LPIN2: variants seen among roughly 807,000 people sequenced by gnomAD.
The protein encoded by LPIN2 is phosphatidate phosphatase LPIN2.
LPIN2 carries 55 observed loss-of-function variants against 111.4 expected under a neutral mutation model. The observed-to-expected ratio is 0.49, with a 90% confidence interval of 0.40 to 0.62. The LOEUF is 0.62. LPIN2 is among the 20% of genes least tolerant of loss of function. LPIN2 has a pLI of 0.00. For missense variants in LPIN2, 992 were observed against 1,112.1 expected (o/e 0.89, Z 1.54); for synonymous variants, 425 against 414.0 (o/e 1.03, Z -0.32).
At chr18:2,932,014 G>T (rs2077218827) in intron 8 of LPIN2, among the ~76,000 whole-genome samples, 1 of 152,180 alleles carries the variant, frequency 6.6e-6, no homozygotes, top group South Asian at 2.1e-4. Flanking sequence ...AAAAAGAAAT[G>T]TATTCAGAAA....
intron 1 of LPIN2, among the ~76,000 whole-genome samples, chr18:2,964,602 G>C (rs993912226): frequency 6.8e-6 from 1 of 147,126 alleles, no homozygotes; most frequent in African/African-American, 2.5e-5. Context: ...TGATCTGTGA[G>C]AATGGTAAGA....
At chr18:2,962,833 T>C (rs1175626219) in intron 1 of LPIN2, among the ~76,000 whole-genome samples, 2 of 152,038 alleles carry the variant, frequency 1.3e-5, no homozygotes, top group Non-Finnish European at 2.9e-5. Flanking sequence ...AAAAAAAACA[T>C]GTTAGACCTT....
intron 1 of LPIN2, chr18:2,982,602 T>C (rs979820010): frequency 1.6e-6 from 1 of 623,268 alleles, no homozygotes; most frequent in African/African-American, 1.9e-5. Context: ...CATCCCCTTG[T>C]CTCTCAGTAG....
chr18:2,927,636 T>A (rs1335490737), intron 12 of LPIN2, 86 bp downstream of exon 12: 2 of 1,452,788 alleles, frequency 1.4e-6, no homozygotes, highest in African/African-American at 1.4e-5. Flanking sequence ...CAGTCCAAAT[T>A]CCTGTGCCTG....
chr18:2,945,250 A>G (rs531773337), intron 4 of LPIN2, among the ~76,000 whole-genome samples: 31 of 152,356 alleles, frequency 2.0e-4, no homozygotes, highest in African/African-American at 7.5e-4. Context: ...TTAACAGAGA[A>G]ATACAAAGAA....
chr18:2,923,222 A>T (rs1698571597), intron 16 of LPIN2, among the ~76,000 whole-genome samples: 1 of 152,124 alleles, frequency 6.6e-6, no homozygotes, highest in Non-Finnish European at 1.5e-5. Context: ...GGAGTTCAAG[A>T]CCAGCCTGAC....
rs973439862 is a variant in LPIN2, at chr18:2,917,844, G to GACTT, written c.*2445_*2448dup. ...CCAATGGAGTAACTGAGAGAATAAT[G>GACTT]ACTTAGAGCCCAATCTGCCTGCCAT... is the stretch of plus-strand genomic sequence containing the variant. On this transcript the variant is annotated 3_prime_UTR_variant, in exon 20 of 20. Transcript: ENST00000677752. 11 of 152,262 alleles carry GACTT rather than the reference G, an allele frequency of 7.2e-5. No homozygotes were observed. Among genetic ancestry groups the GACTT allele is most frequent in the African/African-American group, 2.4e-4 (10 of 41,548 alleles). The allele number at this position is 152,262 out of a possible 1,614,324, so 9.4% of individuals were successfully genotyped here.
At position 2,923,795 on chromosome 18, in the gene LPIN2, C is replaced by A. The variant is rs1372076816; in HGVS notation, c.2154G>T (p.Lys718Asn). 2 of 1,614,148 alleles carry A rather than the reference C, an allele frequency of 1.2e-6. No individual in the cohort carries two copies. Among genetic ancestry groups the A allele is most frequent in the Non-Finnish European group, 8.5e-7 (1 of 1,180,010 alleles). The change falls in exon 16 of 20, where the codon AAG becomes AAT. Residue 718 changes from lysine to asparagine, a missense_variant. By Grantham distance (94) the Lys-to-Asn change is moderately conservative (BLOSUM62 0). Transcript: ENST00000677752. Reference protein sequence around the residue: ...GKDWTHQGIAKLYHSINENGY... With the variant: ...GKDWTHQGIANLYHSINENGY... ...CCTACTCATTGATGGAATGGTAGAGCTTTGCTATACCCTGGTGGGTCCAGT... is the reference window on the plus strand; with the variant it reads ...CCTACTCATTGATGGAATGGTAGAGATTTGCTATACCCTGGTGGGTCCAGT...
intron 4 of LPIN2, among the ~76,000 whole-genome samples, chr18:2,945,082 A>C (rs2077430093): frequency 1.3e-5 from 2 of 152,328 alleles, no homozygotes; most frequent in Non-Finnish European, 1.5e-5. Context: ...GCAGAGCTTC[A>C]TCTCTTCCTT....
At chr18:2,963,221 C>T (rs994919383) in intron 1 of LPIN2, among the ~76,000 whole-genome samples, 6 of 152,104 alleles carry the variant, frequency 3.9e-5, no homozygotes, top group African/African-American at 1.5e-4. Flanking sequence ...AAGGGTCACC[C>T]CAACAGAGCT....
chr18:2,958,154 A>AAAAAAAAAAAAAAAAAAAAG (rs2077645506), intron 2 of LPIN2, among the ~76,000 whole-genome samples: 1 of 108,656 alleles, frequency 9.2e-6, no homozygotes. Flanking sequence ...AAAAAAAAAA[A>AAAAAAAAAAAAAAAAAAAAG]AAACAACAAA....
At position 2,951,372 on chromosome 18, in the gene LPIN2, G is replaced by C; in HGVS notation, c.289-16C>G. On this transcript the variant is annotated splice_polypyrimidine_tract_variant and intron_variant, in intron 3 of 19. Coordinates refer to ENST00000677752, the MANE Select transcript of LPIN2 (RefSeq NM_001375808.2). ...GAAGCTTTTCCTTGAGGAGAATGGAGAAAGAAAAGTTATCCATGACAAACT... is the reference window on the plus strand; with the variant it reads ...GAAGCTTTTCCTTGAGGAGAATGGACAAAGAAAAGTTATCCATGACAAACT... 1 of 1,607,968 alleles carries C rather than the reference G, an allele frequency of 6.2e-7. No individual in the cohort carries two copies. Among genetic ancestry groups the C allele is most frequent in the South Asian group, 1.1e-5 (1 of 90,916 alleles).
chr18:2,980,460 C>G (rs2078091806), intron 1 of LPIN2, among the ~76,000 whole-genome samples: 1 of 152,182 alleles, frequency 6.6e-6, no homozygotes, highest in African/African-American at 2.4e-5. Flanking sequence ...AACCTCAGCC[C>G]CACCCCAAAT....
chr18:2,961,976 G>A (rs1311011130), intron 1 of LPIN2, among the ~76,000 whole-genome samples: 1 of 152,168 alleles, frequency 6.6e-6, no homozygotes, highest in East Asian at 1.9e-4. Context: ...GAGCTTAAAG[G>A]TCCATGCTCT....
At position 2,954,441 on chromosome 18, in the gene LPIN2, C is replaced by T. The variant is rs7226624; in HGVS notation, c.288+63G>A. 464,324 of 1,161,280 alleles carry T rather than the reference C, an allele frequency of 0.4. 96,327 individuals carry two copies. Among genetic ancestry groups the T allele is most frequent in the East Asian group, 0.61 (26,078 of 42,782 alleles). 71.9% of individuals were successfully genotyped at this position (1,161,280 alleles called of 1,614,324 possible). ...CATAAAAAACTGCTAAACGGTCCGT[C>T]TGGGCCACGTACCAGAGGCCTGAGC... On this transcript the variant is annotated intron_variant, in intron 3 of 19. Coordinates refer to ENST00000677752, the MANE Select transcript of LPIN2 (RefSeq NM_001375808.2).
intron 1 of LPIN2, among the ~76,000 whole-genome samples, chr18:2,980,311 CAATT>C (rs756024371): frequency 9.2e-5 from 14 of 152,160 alleles, no homozygotes; most frequent in Non-Finnish European, 1.9e-4. Context: ...AAATTCCACT[CAATT>C]AAATAATTAC....
intron 18 of LPIN2, chr18:2,921,129 A>G: frequency 1.7e-6 from 1 of 580,882 alleles, no homozygotes; most frequent in Non-Finnish European, 3.1e-6. Flanking sequence ...GAGGCCAGAG[A>G]GGCCACATCT....
chr18:2,991,070 G>C (rs1377555551), intron 1 of LPIN2: 3 of 556,452 alleles, frequency 5.4e-6, no homozygotes, highest in South Asian at 1.4e-5. Context: ...AGAATGACTC[G>C]AGCAGACAGA....
At chr18:2,989,241 T>G (rs2078228571) in intron 1 of LPIN2, among the ~76,000 whole-genome samples, 1 of 152,192 alleles carries the variant, frequency 6.6e-6, no homozygotes, top group Non-Finnish European at 1.5e-5. Flanking sequence ...AGACTCATTA[T>G]TTAAGCTGAA....
Sources: gnomAD v4.1 joint callset for allele counts (sites outside exome capture counted in the v4.1 genomes callset) on GRCh38, gnomAD v4.1.1 for gene constraint, MANE v1.5 for transcripts, NCBI Gene and HGNC (gene_info 2026-07-23, HGNC 2026-07-21) for gene names.